The following SEL1L3 variants were observed in gnomAD, a reference collection of about 807,000 sequenced individuals.
SEL1L3 encodes protein sel-1 homolog 3.
A neutral mutation model predicts 142.8 loss-of-function variants in SEL1L3; 76 were observed. The ratio of observed to expected loss-of-function variants is 0.53; its 90% confidence interval spans 0.44 to 0.64. The LOEUF is 0.64. Ranked by LOEUF, SEL1L3 falls within the 30% of genes least tolerant of loss-of-function variation. SEL1L3 has a pLI of 0.00. For missense variants in SEL1L3, 1,262 were observed against 1,381.7 expected, an observed-to-expected ratio of 0.91 and a Z score of 1.37; for synonymous variants, 504 against 519.6, an observed-to-expected ratio of 0.97 and a Z score of 0.41.
At chr4:25,827,490 G>A (rs1278459646) in intron 6 of SEL1L3, among the ~76,000 whole-genome samples, 1 of 152,172 alleles carries the variant, frequency 6.6e-6, no homozygotes, top group Non-Finnish European at 1.5e-5. Flanking sequence ...TACCTTCATG[G>A]GAGCACGGCC....
At chr4:25,740,139 T>A in the SEL1L3 span, among the ~76,000 whole-genome samples, 1 of 151,514 alleles carries the variant, frequency 6.6e-6, no homozygotes, top group Non-Finnish European at 1.5e-5. Context: ...TGTGCATAAA[T>A]CTAGTTCCTA....
intron 23 of SEL1L3, among the ~76,000 whole-genome samples, chr4:25,751,321 G>C (rs1717574149): frequency 1.3e-5 from 2 of 152,144 alleles, no homozygotes; most frequent in Non-Finnish European, 2.9e-5. Context: ...CAGTACCCTT[G>C]GGTGCCCCAT....
chr4:25,820,555 G>A (rs1228125988), intron 7 of SEL1L3, among the ~76,000 whole-genome samples: 1 of 152,232 alleles, frequency 6.6e-6, no homozygotes, highest in Non-Finnish European at 1.5e-5. Flanking sequence ...TCAAAATAGA[G>A]GCTGGGACCC....
chr4:25,862,659 AG>A lies in SEL1L3; in HGVS notation c.162+15del. 1 of 1,244,894 alleles carries A rather than the reference AG, an allele frequency of 8.0e-7. No homozygotes were observed. 77.1% of individuals were successfully genotyped at this position (1,244,894 alleles called of 1,614,324 possible). A position where few individuals can be genotyped will look rare whatever the true frequency, so the allele number is the denominator to read the frequency against. The stretch of plus-strand genomic sequence containing the variant: ...CCCGCGCGGAGGGGAAGACCCGGGC[AG>A]GGTCCGGCGCTCACCAGGTAGCAGA... On this transcript the variant is annotated intron_variant, in intron 1 of 23. Transcript: ENST00000399878.
At chr4:25,752,245 A>T (rs1457154031) in intron 23 of SEL1L3, among the ~76,000 whole-genome samples, 3 of 148,754 alleles carry the variant, frequency 2.0e-5, no homozygotes, top group Non-Finnish European at 3.0e-5. Context: ...GGTGAAACCC[A>T]GTCTCTACTA....
the SEL1L3 span, among the ~76,000 whole-genome samples, chr4:25,714,500 T>TTTTTTC: frequency 9.2e-6 from 1 of 109,020 alleles, no homozygotes; most frequent in African/African-American, 4.7e-5. Context: ...CTTTCTTTCT[T>TTTTTTC]TTTCTTTCTT....
At chr4:25,772,525 A>T (rs1719296356) in intron 17 of SEL1L3, among the ~76,000 whole-genome samples, 1 of 152,176 alleles carries the variant, frequency 6.6e-6, no homozygotes, top group South Asian at 2.1e-4. Flanking sequence ...TGAGATACAT[A>T]AAAAATGCTC....
At chr4:25,816,375 C>T (rs927679626) in intron 9 of SEL1L3, among the ~76,000 whole-genome samples, 2 of 152,018 alleles carry the variant, frequency 1.3e-5, no homozygotes, top group Non-Finnish European at 2.9e-5. Flanking sequence ...GGACCCAGGC[C>T]AGCTGGCTCC....
At chr4:25,754,825 A>G (rs1356517316) in intron 23 of SEL1L3, among the ~76,000 whole-genome samples, 5 of 152,130 alleles carry the variant, frequency 3.3e-5, no homozygotes, top group African/African-American at 9.7e-5. Context: ...ATTGAAATCA[A>G]TATTATTTTA....
At chr4:25,795,881 GT>G (rs1712701193) in intron 11 of SEL1L3, among the ~76,000 whole-genome samples, 1 of 151,650 alleles carries the variant, frequency 6.6e-6, no homozygotes, top group Non-Finnish European at 1.5e-5. Context: ...CATTCAAACA[GT>G]TTTGTGGGCA....
chr4:25,791,171 T>C (rs1341750350), intron 11 of SEL1L3, among the ~76,000 whole-genome samples: 1 of 152,256 alleles, frequency 6.6e-6, no homozygotes, highest in Non-Finnish European at 1.5e-5. Flanking sequence ...AACCTTATTT[T>C]TGATTCTAAC....
the SEL1L3 span, among the ~76,000 whole-genome samples, chr4:25,717,355 A>G: frequency 5.7e-3 from 866 of 152,186 alleles, 10 homozygotes; most frequent in African/African-American, 0.019. Context: ...TGTGGCTATA[A>G]TATTTTGTTT....
At position 25,856,805 on chromosome 4, in the gene SEL1L3, A is replaced by C. The variant is rs1237826138; in HGVS notation, c.162+5870T>G. 4.6e-5 allele frequency among the ~76,000 whole-genome samples: 7 copies of C among 152,200 alleles called. No homozygotes were observed. The East Asian group carries it at 5.8e-4, about 13-fold the overall frequency. ...TTTGATTCCTTTAAGAAAATCAATA[A>C]GAAGAGATGCTATTCAAATAACCCT... On this transcript the variant is annotated intron_variant, in intron 1 of 23. Coordinates refer to ENST00000399878, the MANE Select transcript of SEL1L3 (RefSeq NM_015187.5).
chr4:25,796,621 C>T (rs1712774660), intron 11 of SEL1L3, among the ~76,000 whole-genome samples: 1 of 151,860 alleles, frequency 6.6e-6, no homozygotes, highest in South Asian at 2.1e-4. Flanking sequence ...GGTGAAACCC[C>T]ATCTCTACTA....
intron 19 of SEL1L3, 78 bp from the exon 20 acceptor site, chr4:25,765,513 A>C: frequency 6.8e-6 from 6 of 881,606 alleles, no homozygotes; most frequent in Non-Finnish European, 1.1e-5. Flanking sequence ...GCGCATTCAC[A>C]TGAATGCAAG....
chr4:25,831,249 C>A (rs1365740772), intron 5 of SEL1L3, among the ~76,000 whole-genome samples: 1 of 152,080 alleles, frequency 6.6e-6, no homozygotes, highest in East Asian at 1.9e-4. Context: ...TCTCTGCATT[C>A]TACTCCTAAA....
intron 20 of SEL1L3, among the ~76,000 whole-genome samples, chr4:25,764,883 G>C (rs1718609151): frequency 6.6e-6 from 1 of 152,180 alleles, no homozygotes; most frequent in African/African-American, 2.4e-5. Flanking sequence ...AGTTGTTTGA[G>C]GGGCATGTGA....
At chr4:25,848,702 C>T (rs28674922) in intron 1 of SEL1L3, among the ~76,000 whole-genome samples, 14,362 of 152,208 alleles carry the variant, frequency 0.094, 2,283 homozygotes, top group African/African-American at 0.33. Context: ...ACACACAACG[C>T]ATACACACAG....
chr4:25,756,444 T>C, intron 23 of SEL1L3: 11 of 985,296 alleles, frequency 1.1e-5, no homozygotes, highest in Non-Finnish European at 1.3e-5. Flanking sequence ...AGCTAACGTT[T>C]AACTACAGCC....
Sources: allele counts gnomAD v4.1 joint callset (sites outside exome capture counted in the v4.1 genomes callset), GRCh38; gene constraint gnomAD v4.1.1; transcripts MANE v1.5; gene names NCBI Gene and HGNC (gene_info 2026-07-23, HGNC 2026-07-21).